SPIDR: variants seen among roughly 807,000 people sequenced by gnomAD.
SPIDR encodes scaffold protein involved in DNA repair.
Under a neutral mutation model 104.6 loss-of-function variants are expected in SPIDR, and 93 were observed. The ratio of observed to expected loss-of-function variants is 0.89; its 90% CI spans 0.75 to 1.06. The LOEUF (loss-of-function observed/expected upper bound fraction) is 1.06. Among genes scored for constraint, SPIDR ranks in the 50% least tolerant of loss-of-function variants. The probability of loss-of-function intolerance (pLI) is 0.00; values close to 1 mark genes in which losing one functional copy is unlikely to be tolerated. For synonymous variants in SPIDR, 431 were observed against 416.9 expected (o/e 1.03, Z -0.41); for missense variants, 1,154 against 1,111.2 (o/e 1.04, Z -0.55).
At chr8:47,494,448 A>G (rs2079151956) in intron 8 of SPIDR, among the ~76,000 whole-genome samples, 1 of 152,184 alleles carries the variant, frequency 6.6e-6, no homozygotes, top group African/African-American at 2.4e-5. Context: ...GTGTCAATGA[A>G]AATAGAAATA....
intron 3 of SPIDR, among the ~76,000 whole-genome samples, chr8:47,287,072 A>G (rs1012041784): frequency 3.3e-5 from 5 of 152,196 alleles, no homozygotes; most frequent in South Asian, 2.1e-4. Context: ...GTGACATCAC[A>G]TAACAGTAGG....
chr8:47,681,526 T>A (rs1408082277), intron 11 of SPIDR, among the ~76,000 whole-genome samples: 1 of 152,214 alleles, frequency 6.6e-6, no homozygotes, highest in Non-Finnish European at 1.5e-5. Context: ...TACTGTAAAC[T>A]GACAATTATT....
At chr8:47,456,183 A>G (rs1226775515) in intron 8 of SPIDR, among the ~76,000 whole-genome samples, 2 of 152,178 alleles carry the variant, frequency 1.3e-5, no homozygotes, top group Non-Finnish European at 2.9e-5. Context: ...CTATATGGAG[A>G]TAGAGCCTTT....
intron 5 of SPIDR, among the ~76,000 whole-genome samples, chr8:47,340,377 G>C (rs561394672): frequency 1.3e-5 from 2 of 152,210 alleles, no homozygotes; most frequent in African/African-American, 2.4e-5. Context: ...GGCCGAGGTG[G>C]GTAGATCACT....
At chr8:47,701,322 C>T (rs1563591160) in intron 12 of SPIDR, among the ~76,000 whole-genome samples, 1 of 152,150 alleles carries the variant, frequency 6.6e-6, no homozygotes, top group Non-Finnish European at 1.5e-5. Context: ...ATGCCAGCTA[C>T]TCGGGAGGCT....
chr8:47,359,093 A>T (rs782072134), intron 5 of SPIDR, among the ~76,000 whole-genome samples: 4 of 148,376 alleles, frequency 2.7e-5, no homozygotes, highest in Admixed American at 6.8e-5. Context: ...AAAAATTGTT[A>T]AAAAAAAAAG....
intron 10 of SPIDR, among the ~76,000 whole-genome samples, chr8:47,627,242 G>A (rs1005262003): frequency 6.6e-6 from 1 of 152,128 alleles, no homozygotes; most frequent in Non-Finnish European, 1.5e-5. Flanking sequence ...CTGTTGTGGG[G>A]TGGCGGGAGC....
chr8:47,732,235 T>C (rs1298790114), intron 19 of SPIDR: 1 of 702,220 alleles, frequency 1.4e-6, no homozygotes, highest in Admixed American at 2.0e-5. Context: ...AACTAGAATA[T>C]TCCCATAGGT....
At chr8:47,373,899 C>A (rs960609128) in intron 5 of SPIDR, among the ~76,000 whole-genome samples, 1 of 152,166 alleles carries the variant, frequency 6.6e-6, no homozygotes, top group Non-Finnish European at 1.5e-5. Flanking sequence ...TAAGTACTTA[C>A]CCCTGAGGTT....
intron 5 of SPIDR, among the ~76,000 whole-genome samples, chr8:47,355,253 G>A (rs1438823930): frequency 1.4e-5 from 2 of 144,884 alleles, no homozygotes; most frequent in East Asian, 4.0e-4. Flanking sequence ...ACCATGCCTG[G>A]CCGATGAAGG....
intron 8 of SPIDR, among the ~76,000 whole-genome samples, chr8:47,545,504 A>G (rs966402533): frequency 5.9e-5 from 9 of 152,052 alleles, no homozygotes; most frequent in African/African-American, 1.9e-4. Context: ...AGTTTTGCTG[A>G]ACTCATTTAT....
intron 7 of SPIDR, among the ~76,000 whole-genome samples, chr8:47,421,030 G>C (rs782211520): frequency 1.3e-5 from 2 of 152,104 alleles, no homozygotes; most frequent in Non-Finnish European, 2.9e-5. Flanking sequence ...TTTCTCTCTG[G>C]CTGCCCTTAA....
chr8:47,277,838 C>T (rs1460623580), intron 1 of SPIDR, among the ~76,000 whole-genome samples: 1 of 151,902 alleles, frequency 6.6e-6, no homozygotes, highest in Non-Finnish European at 1.5e-5. Flanking sequence ...CCATTCCCGG[C>T]TAATTTTTTG....
intron 11 of SPIDR, among the ~76,000 whole-genome samples, chr8:47,694,479 TGAG>T (rs2079070816): frequency 2.0e-5 from 3 of 152,044 alleles, no homozygotes; most frequent in African/African-American, 7.2e-5. Flanking sequence ...TAAAAATGAA[TGAG>T]GACTGGCCAG....
chr8:47,440,690 G>A, intron 8 of SPIDR, 148 bp downstream of exon 8: 1 of 717,540 alleles, frequency 1.4e-6, no homozygotes, highest in South Asian at 1.9e-5. Flanking sequence ...TTCTGTCAGA[G>A]AAGCACTGGA....
intron 10 of SPIDR, among the ~76,000 whole-genome samples, chr8:47,634,374 C>G (rs1401801394): frequency 3.3e-5 from 5 of 152,100 alleles, no homozygotes; most frequent in African/African-American, 1.2e-4. Flanking sequence ...TTGCTTGAAC[C>G]CGGGAGGCAG....
At chr8:47,373,162 A>G (rs2058241954) in intron 5 of SPIDR, among the ~76,000 whole-genome samples, 2 of 152,372 alleles carry the variant, frequency 1.3e-5, no homozygotes, top group African/African-American at 2.4e-5. Flanking sequence ...CCAGAGAAGT[A>G]GTATTTCAGA....
intron 8 of SPIDR, among the ~76,000 whole-genome samples, chr8:47,573,602 A>G (rs753845336): frequency 6.6e-6 from 1 of 152,340 alleles, no homozygotes; most frequent in South Asian, 2.1e-4. Flanking sequence ...TTGGAGGAGA[A>G]GCAAAGTCTG....
chr8:47,410,188 CTT>C (rs568380022), intron 7 of SPIDR, among the ~76,000 whole-genome samples: 3 of 146,172 alleles, frequency 2.1e-5, no homozygotes, highest in Non-Finnish European at 1.5e-5. Context: ...TTTATTTTAC[CTT>C]TTTTTTTTTG....
Sources: allele counts gnomAD v4.1 joint callset (sites outside exome capture counted in the v4.1 genomes callset), GRCh38; gene constraint gnomAD v4.1.1; transcripts MANE v1.5; gene names NCBI Gene and HGNC (gene_info 2026-07-23, HGNC 2026-07-21).